Variants in PDE6A observed in about 807,000 individuals in gnomAD.
The protein encoded by PDE6A is rod cGMP-specific 3',5'-cyclic phosphodiesterase subunit alpha.
PDE6A carries 84 observed loss-of-function variants against 106.3 expected under a neutral mutation model. The ratio of observed to expected loss-of-function variants is 0.79; its 90% CI spans 0.66 to 0.95. The LOEUF (loss-of-function observed/expected upper bound fraction) is 0.95. Among genes scored for constraint, PDE6A ranks in the 40% least tolerant of loss-of-function variants. The probability of loss-of-function intolerance (pLI) is 0.00; values close to 1 mark genes in which losing one functional copy is unlikely to be tolerated. For missense variants in PDE6A, 1,052 were observed against 1,084.9 expected (o/e 0.97, Z 0.43); for synonymous variants, 394 against 386.6 (o/e 1.02, Z -0.23).
At chr5:149,900,191 T>C (rs946070580) in intron 8 of PDE6A, among the ~76,000 whole-genome samples, 5 of 151,416 alleles carry the variant, frequency 3.3e-5, no homozygotes, top group Non-Finnish European at 7.4e-5. Flanking sequence ...CTGTCTCTAC[T>C]AAAAATACAA....
At chr5:149,925,150 T>G (rs970490723) in intron 4 of PDE6A, among the ~76,000 whole-genome samples, 1 of 152,072 alleles carries the variant, frequency 6.6e-6, no homozygotes, top group Non-Finnish European at 1.5e-5. Flanking sequence ...CAAACAAAAA[T>G]AATAAAGCAT....
At chr5:149,891,928 T>C (rs1329499944) in intron 13 of PDE6A, among the ~76,000 whole-genome samples, 1 of 152,254 alleles carries the variant, frequency 6.6e-6, no homozygotes, top group Non-Finnish European at 1.5e-5. Flanking sequence ...GGATTTCACT[T>C]AACTGCTCCT....
chr5:149,892,083 C>T (rs530568473), intron 13 of PDE6A, among the ~76,000 whole-genome samples: 10 of 152,250 alleles, frequency 6.6e-5, no homozygotes, highest in African/African-American at 2.4e-4. Flanking sequence ...GAGACTGCAG[C>T]AGGAGGATCA....
intron 4 of PDE6A, among the ~76,000 whole-genome samples, chr5:149,930,007 C>T (rs557540457): frequency 1.3e-5 from 2 of 152,304 alleles, no homozygotes; most frequent in South Asian, 2.1e-4. Flanking sequence ...GGCCATCCTC[C>T]CACCTCAACC....
chr5:149,928,458 G>A (rs952100818), intron 4 of PDE6A, among the ~76,000 whole-genome samples: 4 of 151,114 alleles, frequency 2.6e-5, no homozygotes, highest in South Asian at 2.1e-4. Flanking sequence ...GGCTGGTCTC[G>A]AACTCCTGAC....
At chr5:149,908,654 ATTACTTTTAAAT>A (rs1467378804) in intron 6 of PDE6A, among the ~76,000 whole-genome samples, 2 of 152,132 alleles carry the variant, frequency 1.3e-5, no homozygotes, top group African/African-American at 4.8e-5. Flanking sequence ...ATTTTTAAAA[ATTACTTTTAAAT>A]TTACTTTTAC....
chr5:149,939,120 A>G (rs1466584343), intron 1 of PDE6A, among the ~76,000 whole-genome samples: 1 of 152,142 alleles, frequency 6.6e-6, no homozygotes, highest in Non-Finnish European at 1.5e-5. Context: ...CCTGAAGTAA[A>G]CACGTGCAAA....
intron 7 of PDE6A, among the ~76,000 whole-genome samples, chr5:149,905,285 G>A (rs2113611726): frequency 6.6e-6 from 1 of 152,172 alleles, no homozygotes; most frequent in South Asian, 2.1e-4. Flanking sequence ...TCCACTGCCT[G>A]TCTCCCTCTC....
chr5:149,925,127 T>C (rs1561775090), intron 4 of PDE6A, among the ~76,000 whole-genome samples: 1 of 152,176 alleles, frequency 6.6e-6, no homozygotes, highest in African/African-American at 2.4e-5. Context: ...TTTCCATACA[T>C]GTCTCTAGTC....
At chr5:149,891,446 G>A (rs535273877) in intron 13 of PDE6A, among the ~76,000 whole-genome samples, 1 of 152,278 alleles carries the variant, frequency 6.6e-6, no homozygotes, top group African/African-American at 2.4e-5. Context: ...CTCCAGCCTG[G>A]GCGACAGAGC....
intron 21 of PDE6A, among the ~76,000 whole-genome samples, chr5:149,862,128 G>T (rs576628302): frequency 4.6e-5 from 7 of 152,216 alleles, no homozygotes; most frequent in African/African-American, 9.6e-5. Context: ...TGCAAAGGAG[G>T]GCAGTCAGGG....
Position 149,860,717 on chromosome 5 carries a change from A to G in PDE6A, c.*178T>C, listed in dbSNP as rs113302481. The G allele has an allele frequency of 3.3e-3, 1,860 of 557,058 alleles. 5 individuals are homozygous for G. The highest frequency in any genetic ancestry group is 0.01 in the African/African-American group (550 of 53,444). 34.5% of individuals were successfully genotyped at this position (557,058 alleles called of 1,614,324 possible). ...TGTATTTTATGTGTGACCCAAGACA[A>G]TTCTTCCAATGTGGCCCAGGGAAGC... On this transcript the variant is annotated 3_prime_UTR_variant, in exon 22 of 22. Coordinates refer to ENST00000255266, the MANE Select transcript of PDE6A (RefSeq NM_000440.3).
rs954126856 is a variant in PDE6A at position 149,858,617 on chromosome 5, T to C, written c.*2278A>G. 1 of 151,850 alleles carries C rather than the reference T, an allele frequency of 6.6e-6. No individual in the cohort carries two copies. The highest frequency in any genetic ancestry group is 1.5e-5 in the Non-Finnish European group (1 of 67,962). 9.4% of individuals were successfully genotyped at this position (151,850 alleles called of 1,614,324 possible). On this transcript the variant is annotated 3_prime_UTR_variant, in exon 22 of 22. Coordinates refer to ENST00000255266, the MANE Select transcript of PDE6A (RefSeq NM_000440.3). ...GAATGAGACCCCATGTCTACAAAGA[T>C]AGGTTTTAAAAAATTAGCTGGGCAT...
At position 149,863,209 on chromosome 5, in the gene PDE6A, G is replaced by A. The variant is rs771530664; in HGVS notation, c.2416C>T (p.Arg806Cys). 2.9e-5 allele frequency: 47 copies of A among 1,613,988 alleles called. No individual in the cohort carries two copies. The highest frequency in any genetic ancestry group is 6.7e-5 in the East Asian group (3 of 44,882). Residue 806 changes from arginine to cysteine, a missense_variant, in exon 21 of 22, where the codon CGC becomes TGC. Physicochemically the swap from Arg to Cys is radical, Grantham distance 180 (BLOSUM62 -3). Around this residue, in one of 3 missense-constraint regions of PDE6A, gnomAD observed 135 missense variants for 153.2 expected, o/e 0.88. Coordinates refer to ENST00000255266, the MANE Select transcript of PDE6A (RefSeq NM_000440.3). This position sits in a 1 kb window ranked among gnomAD's most constrained non-coding sequence, Gnocchi z 4.7. ...TCAGCAAGCGCCTTCCACTCCTTGC[G>A]ATTGTTGGTGATCCCGTCCAACATT... The part of the protein sequence containing the change: ...TPMLDGITNN[R>C]KEWKALADEY...
intron 5 of PDE6A, among the ~76,000 whole-genome samples, chr5:149,915,564 G>A (rs914201924): frequency 1.3e-5 from 2 of 152,152 alleles, no homozygotes; most frequent in Non-Finnish European, 2.9e-5. Flanking sequence ...TCAGAATTCA[G>A]CGTGCTTCAC....
At chr5:149,901,863 A>G (rs183728015) in intron 8 of PDE6A, among the ~76,000 whole-genome samples, 12 of 152,302 alleles carry the variant, frequency 7.9e-5, no homozygotes, top group Admixed American at 2.0e-4. Flanking sequence ...GACTTTTCTG[A>G]GTCATTTTTA....
chr5:149,915,583 C>T (rs551666210), intron 5 of PDE6A, among the ~76,000 whole-genome samples: 8 of 152,152 alleles, frequency 5.3e-5, no homozygotes, highest in African/African-American at 1.9e-4. Flanking sequence ...ACCTTGGAGG[C>T]AGCTCACAGT....
At chr5:149,931,292 C>A (rs1421038041) in intron 3 of PDE6A, 124 bp from the exon 4 acceptor site, 2 of 893,212 alleles carry the variant, frequency 2.2e-6, no homozygotes, top group Admixed American at 1.9e-5. Flanking sequence ...TCACAATAAT[C>A]CAGAGAAATA....
intron 20 of PDE6A, among the ~76,000 whole-genome samples, chr5:149,865,450 G>GA (rs769897148): frequency 1.7e-4 from 26 of 151,176 alleles, no homozygotes; most frequent in Non-Finnish European, 3.4e-4. Context: ...TGTCCTCAAT[G>GA]AAAAAAAAGA....
Sources: gnomAD v4.1 joint callset for allele counts (sites outside exome capture counted in the v4.1 genomes callset) on GRCh38, gnomAD v4.1.1 for gene constraint, gnomAD v4.1.1 regional missense constraint, Gnocchi (gnomAD v3.1) non-coding constraint, MANE v1.5 for transcripts, NCBI Gene and HGNC (gene_info 2026-07-23, HGNC 2026-07-21) for gene names.